Variants in ETFDH observed in about 807,000 individuals in gnomAD.
ETFDH encodes the protein electron transfer flavoprotein-ubiquinone oxidoreductase, mitochondrial.
Under a neutral mutation model 73.2 loss-of-function variants are expected in ETFDH, and 61 were observed. The observed-to-expected ratio is 0.83, with a 90% CI of 0.68 to 1.03. The LOEUF (loss-of-function observed/expected upper bound fraction) is 1.03. Among genes scored for constraint, ETFDH ranks in the 50% least tolerant of loss-of-function variants. The pLI is 0.00. For missense variants in ETFDH, 685 were observed against 745.0 expected (o/e 0.92, Z 0.94); for synonymous variants, 243 against 253.3 (o/e 0.96, Z 0.39).
intron 1 of ETFDH, among the ~76,000 whole-genome samples, chr4:158,678,653 CTT>C (rs11438999): frequency 7.8e-5 from 11 of 140,290 alleles, no homozygotes; most frequent in Admixed American, 1.4e-4. Context: ...ATATCACCAT[CTT>C]TTTTTTTTTT....
At chr4:158,675,253 A>G (rs1232641424) in intron 1 of ETFDH, among the ~76,000 whole-genome samples, 1 of 152,172 alleles carries the variant, frequency 6.6e-6, no homozygotes, top group African/African-American at 2.4e-5. Flanking sequence ...TCTATAAACT[A>G]GCCTATTCTG....
chr4:158,694,424 C>G (rs968572883), intron 6 of ETFDH, among the ~76,000 whole-genome samples: 1 of 151,934 alleles, frequency 6.6e-6, no homozygotes, highest in African/African-American at 2.4e-5. Flanking sequence ...GAAACCCTGT[C>G]TCTACTAAAA....
chr4:158,684,599 T>G lies in ETFDH; in HGVS notation c.413T>G (p.Leu138Arg), dbSNP rs779896449. Residue 138 changes from leucine to arginine, a missense_variant, in exon 4 of 13, where the codon CTT (leucine) becomes CGT (arginine). Leu to Arg is a moderately radical substitution (Grantham distance 102). Transcript: ENST00000511912. Reference sequence around the variant, plus strand: ...TTCTTCTTTTATTTCTAGGCTCCACTTAACACTCCTGTAACAGAAGACAGA... The same window carrying G: ...TTCTTCTTTTATTTCTAGGCTCCACGTAACACTCCTGTAACAGAAGACAGA... Reference protein sequence around the residue: ...FPDWKEKGAPLNTPVTEDRFG... With the variant: ...FPDWKEKGAPRNTPVTEDRFG... 51 of 1,544,460 alleles carry G rather than the reference T, an allele frequency of 3.3e-5. No individual in the cohort carries two copies. The highest frequency in any genetic ancestry group is 4.3e-5 in the Non-Finnish European group (48 of 1,116,926).
chr4:158,691,346 A>G (rs995682370), intron 6 of ETFDH, among the ~76,000 whole-genome samples: 5 of 151,770 alleles, frequency 3.3e-5, no homozygotes, highest in African/African-American at 1.2e-4. Context: ...TTGTTTTGAG[A>G]CGGAGTTTCA....
intron 7 of ETFDH, 49 bp downstream of exon 7, chr4:158,695,692 A>C: frequency 8.0e-7 from 1 of 1,253,306 alleles, no homozygotes; most frequent in Non-Finnish European, 1.2e-6. Context: ...TGGAATTTAA[A>C]TTTATTTGTA....
At chr4:158,678,324 G>A (rs1773761855) in intron 1 of ETFDH, among the ~76,000 whole-genome samples, 2 of 152,032 alleles carry the variant, frequency 1.3e-5, no homozygotes, top group South Asian at 4.2e-4. Flanking sequence ...ATATGTACTG[G>A]TCGAGCATTT....
chr4:158,682,520 G>T, intron 3 of ETFDH, 96 bp downstream of exon 3: 8 of 926,172 alleles, frequency 8.6e-6, no homozygotes, highest in South Asian at 1.5e-5. Flanking sequence ...CCCTTTTCAT[G>T]TAACTCTATC....
intron 6 of ETFDH, among the ~76,000 whole-genome samples, chr4:158,690,728 T>G (rs1561243066): frequency 6.6e-6 from 1 of 152,032 alleles, no homozygotes; most frequent in African/African-American, 2.4e-5. Flanking sequence ...AATAAAGGTC[T>G]TGCTACAAAC....
intron 1 of ETFDH, among the ~76,000 whole-genome samples, chr4:158,675,564 C>G (rs1022775219): frequency 1.3e-5 from 2 of 152,018 alleles, no homozygotes; most frequent in Non-Finnish European, 2.9e-5. Flanking sequence ...CCCAGGATTT[C>G]GAGATCAGCT....
chr4:158,682,505 G>T (rs2150305350), intron 3 of ETFDH, 81 bp downstream of exon 3: 1 of 1,082,686 alleles, frequency 9.2e-7, no homozygotes, highest in Non-Finnish European at 1.4e-6. Context: ...CTGGAATATA[G>T]GAAACCCTTT....
rs1170540439 is a variant in ETFDH, at chr4:158,709,138, G to A, written c.*611G>A. 6.5e-6 allele frequency: 1 copy of A among 152,984 alleles called. No homozygotes were observed. The highest frequency in any genetic ancestry group is 1.5e-5 in the Non-Finnish European group (1 of 68,952). The allele number at this position is 152,984 out of a possible 1,614,324, so 9.5% of individuals were successfully genotyped here. A position where few individuals can be genotyped will look rare whatever the true frequency, so the allele number is the denominator to read the frequency against. On this transcript the variant is annotated 3_prime_UTR_variant, in exon 13 of 13. Coordinates refer to ENST00000511912, the MANE Select transcript of ETFDH (RefSeq NM_004453.4). ...CGAAGGAAACAATATACAAACTTAA[G>A]CTCTCATCTCTTTATTCAATAAGAT...
Position 158,708,690 on chromosome 4 carries a change from AT to A in ETFDH, c.*165del, listed in dbSNP as rs1203246756. 6 of 628,160 alleles carry A rather than the reference AT, an allele frequency of 9.6e-6. No individual in the cohort carries two copies. Among genetic ancestry groups the A allele is most frequent in the Non-Finnish European group, 1.7e-5 (6 of 355,824 alleles). 38.9% of individuals were successfully genotyped at this position (628,160 alleles called of 1,614,324 possible). A position where few individuals can be genotyped will look rare whatever the true frequency, so the allele number is the denominator to read the frequency against. ...ATATGTAAGATTGTCCCATAAAGAA[AT>A]TACGGGTATTGCTTTTAAATAACCT... is the stretch of plus-strand genomic sequence containing the variant. On this transcript the variant is annotated 3_prime_UTR_variant, in exon 13 of 13. Coordinates refer to ENST00000511912, the MANE Select transcript of ETFDH (RefSeq NM_004453.4).
intron 9 of ETFDH, among the ~76,000 whole-genome samples, chr4:158,702,789 A>G (rs964999999): frequency 3.7e-4 from 57 of 152,276 alleles, no homozygotes; most frequent in African/African-American, 1.3e-3. Flanking sequence ...GAGAGTGCAG[A>G]TATCTCTTCC....
chr4:158,706,835 C>G lies in ETFDH; in HGVS notation c.1675C>G (p.Arg559Gly). The change falls in exon 12 of 13, where the codon CGA becomes GGA. Residue 559 changes from arginine to glycine, a missense_variant. By Grantham distance (125) the Arg-to-Gly change is moderately radical (BLOSUM62 -2). Transcript: ENST00000511912. ...NLSIYDGPEQRFCPAGVYEFV... is the reference protein window; with the variant it reads ...NLSIYDGPEQGFCPAGVYEFV... ...GTCGATATATGATGGGCCCGAGCAG[C>G]GATTCTGTCCTGCAGGTAATAATTT... The G allele has an allele frequency of 6.3e-7, 1 of 1,595,410 alleles. No individual in the cohort carries two copies. Among genetic ancestry groups the G allele is most frequent in the Non-Finnish European group, 8.6e-7 (1 of 1,163,116 alleles).
Position 158,695,483 on chromosome 4 carries a change from T to A in ETFDH, c.685-14T>A. 6.2e-7 allele frequency: 1 copy of A among 1,608,366 alleles called. No homozygotes were observed. Among genetic ancestry groups the A allele is most frequent in the Non-Finnish European group, 8.5e-7 (1 of 1,175,248 alleles). On this transcript the variant is annotated splice_polypyrimidine_tract_variant and intron_variant, in intron 6 of 12. Transcript: ENST00000511912. ...TTGTCAAATGTTGCCATTTAACATG[T>A]TTTTGCTTTTCAGGCAACATTTGAG...
chr4:158,708,317 AT>A (rs1774693157), intron 12 of ETFDH, 46 bp from the exon 13 acceptor site: 1 of 1,464,258 alleles, frequency 6.8e-7, no homozygotes. Context: ...GAATTTAAAA[AT>A]TTTTTAAAGT....
chr4:158,697,745 T>C (rs1044582434), intron 8 of ETFDH, 46 bp downstream of exon 8: 1 of 1,516,982 alleles, frequency 6.6e-7, no homozygotes. Context: ...TAGAGTTATA[T>C]TACCATCAGT....
intron 1 of ETFDH, chr4:158,680,193 T>C (rs1476136358): frequency 3.3e-6 from 1 of 305,902 alleles, no homozygotes; most frequent in South Asian, 3.9e-5. Flanking sequence ...GTGATTATAC[T>C]ACTCCATATT....
At chr4:158,700,524 A>G (rs958614514) in intron 9 of ETFDH, among the ~76,000 whole-genome samples, 2 of 144,596 alleles carry the variant, frequency 1.4e-5, no homozygotes, top group Non-Finnish European at 3.1e-5. Flanking sequence ...ATGATTTGCA[A>G]ATTGACAGGA....
Sources: gnomAD v4.1 joint callset for allele counts (sites outside exome capture counted in the v4.1 genomes callset) on GRCh38, gnomAD v4.1.1 for gene constraint, MANE v1.5 for transcripts, NCBI Gene and HGNC (gene_info 2026-07-23, HGNC 2026-07-21) for gene names.